Variants in ZFHX3 observed in about 807,000 individuals in gnomAD.
ZFHX3 encodes zinc finger homeobox protein 3.
Under a neutral mutation model 279.1 loss-of-function variants are expected in ZFHX3, and 42 were observed. The ratio of observed to expected loss-of-function variants is 0.15; its 90% CI spans 0.12 to 0.19. The LOEUF is 0.19. Among genes scored for constraint, ZFHX3 ranks in the 10% least tolerant of loss-of-function variants. The pLI is 1.00. For missense variants in ZFHX3, 4,981 were observed against 4,754.0 expected, an observed-to-expected ratio of 1.05 and a Z score of -1.40; for synonymous variants, 2,293 against 1,957.8, an observed-to-expected ratio of 1.17 and a Z score of -4.52.
rs575592845 is a variant in ZFHX3, at chr16:73,837,660, C to T, written c.-1608+53991G>A. 1.5e-4 allele frequency among the ~76,000 whole-genome samples: 23 copies of T among 151,750 alleles called. No individual in the cohort carries two copies. In the East Asian group the frequency reaches 2.1e-3, roughly 14 times the overall value. ...CTTTTCTTTTCTTTTCTTTTTCAGACGGAGTTTCGCTCTTGTTGCCCAGGC... is the reference window on the plus strand; with the variant it reads ...CTTTTCTTTTCTTTTCTTTTTCAGATGGAGTTTCGCTCTTGTTGCCCAGGC... On this transcript the variant is annotated intron_variant, in intron 1 of 17. Transcript: ENST00000641206.
chr16:73,219,813 T>C (rs2012349064), intron 5 of ZFHX3, among the ~76,000 whole-genome samples: 1 of 152,176 alleles, frequency 6.6e-6, no homozygotes, highest in Non-Finnish European at 1.5e-5. Context: ...AGGCTGGGCA[T>C]GGTGGCTCAC....
chr16:73,253,086 G>A (rs190110089), intron 5 of ZFHX3, among the ~76,000 whole-genome samples: 29 of 152,284 alleles, frequency 1.9e-4, no homozygotes, highest in Admixed American at 1.6e-3. Context: ...GACTGAGCAC[G>A]GCAAAGTGCT....
chr16:72,901,250 C>T (rs1034213798), intron 3 of ZFHX3, among the ~76,000 whole-genome samples: 5 of 152,166 alleles, frequency 3.3e-5, no homozygotes, highest in Admixed American at 2.6e-4. Flanking sequence ...TTGCTGGAAC[C>T]GAGCCTACAG....
chr16:72,828,639 G>C (rs1291444944), intron 5 of ZFHX3, among the ~76,000 whole-genome samples: 2 of 151,852 alleles, frequency 1.3e-5, no homozygotes, highest in Admixed American at 6.6e-5. Flanking sequence ...GGCACCACCT[G>C]TGCAGGGCCC....
intron 8 of ZFHX3, among the ~76,000 whole-genome samples, chr16:73,090,079 A>G (rs2144775641): frequency 6.6e-6 from 1 of 152,260 alleles, no homozygotes; most frequent in Admixed American, 6.5e-5. Context: ...CTCCAAGTTC[A>G]CTGTAATAAC....
intron 5 of ZFHX3, among the ~76,000 whole-genome samples, chr16:73,148,046 A>C (rs1966875526): frequency 1.3e-5 from 2 of 152,362 alleles, no homozygotes; most frequent in South Asian, 4.1e-4. Context: ...GAGCTTAGCA[A>C]GCTATGGCTG....
chr16:73,405,373 A>C (rs1181694931), intron 3 of ZFHX3, among the ~76,000 whole-genome samples: 1 of 152,174 alleles, frequency 6.6e-6, no homozygotes. Flanking sequence ...GTAGAATAAC[A>C]TAAAAAAGGA....
In ZFHX3 at chr16:72,899,641, A is replaced by G. The variant is rs1279435414; in HGVS notation, c.3217-9679T>C. ...GTTTGTGGGGCACTCTAGATTAAGC[A>G]GCCCAGTTGAAAACCCTCACTCTGA... is the stretch of plus-strand genomic sequence containing the variant. On this transcript the variant is annotated intron_variant, in intron 3 of 9. Transcript: ENST00000268489. Among the ~76,000 whole-genome samples the G allele has an allele frequency of 3.9e-5, 6 of 152,186 alleles. No individual in the cohort carries two copies. In the South Asian group the frequency reaches 1.0e-3, roughly 26 times the overall value.
intron 1 of ZFHX3, among the ~76,000 whole-genome samples, chr16:73,836,637 G>C (rs771790392): frequency 6.6e-6 from 1 of 152,148 alleles, no homozygotes; most frequent in Non-Finnish European, 1.5e-5. Flanking sequence ...AGCATTAACT[G>C]GTCACATCCA....
chr16:73,007,445 T>TTTTTTG (rs1329605473), intron 1 of ZFHX3, among the ~76,000 whole-genome samples: 12 of 152,110 alleles, frequency 7.9e-5, no homozygotes, highest in African/African-American at 2.2e-4. Flanking sequence ...CTCATAACTG[T>TTTTTTG]TTTTTGTTTT....
intron 7 of ZFHX3, among the ~76,000 whole-genome samples, chr16:73,130,497 A>T (rs528129728): frequency 6.6e-6 from 1 of 152,356 alleles, no homozygotes; most frequent in East Asian, 1.9e-4. Context: ...GGACAAGGAG[A>T]GTGACACTGG....
intron 2 of ZFHX3, among the ~76,000 whole-genome samples, chr16:73,532,857 C>A (rs1197956248): frequency 6.6e-6 from 1 of 152,210 alleles, no homozygotes; most frequent in Non-Finnish European, 1.5e-5. Context: ...CTCACCAGAT[C>A]TGATGGTTTT....
chr16:73,856,974 G>A (rs559654715), intron 1 of ZFHX3, among the ~76,000 whole-genome samples: 155 of 152,336 alleles, frequency 1.0e-3, no homozygotes, highest in Admixed American at 2.5e-3. Context: ...AGCCCAGGGC[G>A]CCTCAGCGGT....
intron 5 of ZFHX3, among the ~76,000 whole-genome samples, chr16:73,203,959 A>T (rs1432345611): frequency 6.6e-6 from 1 of 152,216 alleles, no homozygotes; most frequent in Non-Finnish European, 1.5e-5. Flanking sequence ...GTCTGCCTGC[A>T]CTTGAGTATG....
intron 1 of ZFHX3, among the ~76,000 whole-genome samples, chr16:73,790,366 C>T (rs1959787785): frequency 1.3e-5 from 2 of 151,110 alleles, no homozygotes; most frequent in East Asian, 1.9e-4. Flanking sequence ...ATTCTTGCAT[C>T]TGCAATTTAC....
At chr16:73,247,202 G>GTATACTGTGTATA (rs1399488031) in intron 5 of ZFHX3, among the ~76,000 whole-genome samples, 1 of 151,702 alleles carries the variant, frequency 6.6e-6, no homozygotes, top group African/African-American at 2.4e-5. Context: ...ATGTGTGTGG[G>GTATACTGTGTATA]TATACTGTGT....
intron 4 of ZFHX3, among the ~76,000 whole-genome samples, chr16:72,856,961 A>C (rs2037768149): frequency 1.3e-5 from 2 of 152,236 alleles, no homozygotes; most frequent in African/African-American, 4.8e-5. Context: ...TAGGGCAGCC[A>C]GTAAGGAGAA....
intron 2 of ZFHX3, chr16:73,609,600 TGGG>T (rs2052225043): frequency 6.6e-6 from 1 of 151,260 alleles, no homozygotes; most frequent in Non-Finnish European, 1.5e-5. Context: ...CCTCAGCCAC[TGGG>T]GGACGACTTA....
At chr16:73,611,295 G>C (rs553317903) in intron 2 of ZFHX3, among the ~76,000 whole-genome samples, 2 of 152,034 alleles carry the variant, frequency 1.3e-5, no homozygotes, top group African/African-American at 2.4e-5. Flanking sequence ...GGGGGAGAAG[G>C]GGGTCACTGA....
Sources: gnomAD v4.1 joint callset for allele counts (sites outside exome capture counted in the v4.1 genomes callset) on GRCh38, gnomAD v4.1.1 for gene constraint, MANE v1.5 for transcripts, NCBI Gene and HGNC (gene_info 2026-07-23, HGNC 2026-07-21) for gene names.